Variants in SLAMF9 observed in about 807,000 individuals in gnomAD.
The protein encoded by SLAMF9 is SLAM family member 9, also known as CD2 family member 10.
SLAMF9 carries 25 observed loss-of-function variants against 30.4 expected under a neutral mutation model. The observed-to-expected ratio is 0.82, with a 90% confidence interval of 0.60 to 1.15. The LOEUF (loss-of-function observed/expected upper bound fraction) is 1.15. SLAMF9 is among the 50% of genes most tolerant of loss of function. The pLI, the probability that SLAMF9 is intolerant of heterozygous loss-of-function variation, is 0.00. For missense variants in SLAMF9, 344 were observed against 346.1 expected, an observed-to-expected ratio of 0.99 and a Z score of 0.05; for synonymous variants, 129 against 127.2, an observed-to-expected ratio of 1.01 and a Z score of -0.09.
chr1:159,981,323 C>T, the SLAMF9 span, among the ~76,000 whole-genome samples: 2 of 152,140 alleles, frequency 1.3e-5, no homozygotes, highest in African/African-American at 4.8e-5. Flanking sequence ...TGACCTTTGA[C>T]TTTAGACTTC....
the SLAMF9 span, among the ~76,000 whole-genome samples, chr1:159,974,239 C>T: frequency 1.3e-5 from 2 of 152,162 alleles, no homozygotes; most frequent in Non-Finnish European, 2.9e-5. Flanking sequence ...ACCTGGACTT[C>T]CTTTTACTCC....
chr1:159,975,453 C>G, the SLAMF9 span, among the ~76,000 whole-genome samples: 1 of 152,042 alleles, frequency 6.6e-6, no homozygotes, highest in Admixed American at 6.6e-5. Flanking sequence ...AGTCTGGGAA[C>G]TGGTGGAGTG....
intron 1 of SLAMF9, 37 bp from the exon 2 acceptor site, chr1:159,953,690 G>C (rs1328574383): frequency 1.3e-6 from 2 of 1,549,780 alleles, no homozygotes; most frequent in African/African-American, 2.7e-5. Context: ...CAACCCAGCT[G>C]CTGTCTCTGG....
the SLAMF9 span, among the ~76,000 whole-genome samples, chr1:159,975,039 T>C: frequency 6.6e-6 from 1 of 152,110 alleles, no homozygotes; most frequent in Non-Finnish European, 1.5e-5. Context: ...TGGTCTGAAC[T>C]CCTTCCCCAA....
At chr1:159,975,319 G>T in the SLAMF9 span, among the ~76,000 whole-genome samples, 2 of 152,168 alleles carry the variant, frequency 1.3e-5, no homozygotes. Flanking sequence ...TCTACCTGGG[G>T]AGGAGACCCA....
At chr1:159,969,291 G>A in the SLAMF9 span, among the ~76,000 whole-genome samples, 2 of 151,952 alleles carry the variant, frequency 1.3e-5, no homozygotes, top group African/African-American at 4.8e-5. Context: ...AAGGGGTATA[G>A]TCCCTAACTC....
the SLAMF9 span, among the ~76,000 whole-genome samples, chr1:159,974,789 G>A: frequency 7.9e-5 from 12 of 152,360 alleles, no homozygotes; most frequent in African/African-American, 2.9e-4. Context: ...AGCCATGGCT[G>A]GGAGTCAAGC....
At chr1:159,971,187 T>C in the SLAMF9 span, among the ~76,000 whole-genome samples, 1 of 152,162 alleles carries the variant, frequency 6.6e-6, no homozygotes, top group African/African-American at 2.4e-5. Flanking sequence ...TCCCTCATCA[T>C]AAATCACACT....
the SLAMF9 span, among the ~76,000 whole-genome samples, chr1:159,963,048 C>T: frequency 2.0e-5 from 3 of 152,130 alleles, no homozygotes; most frequent in African/African-American, 4.8e-5. Context: ...TGGGCAGTGT[C>T]GAAGAGCATG....
chr1:159,980,182 C>G, the SLAMF9 span, among the ~76,000 whole-genome samples: 2 of 152,172 alleles, frequency 1.3e-5, no homozygotes, highest in Admixed American at 6.5e-5. Flanking sequence ...ATTCTGAACA[C>G]ACTCCCAAGA....
At chr1:159,973,386 C>A in the SLAMF9 span, 2 of 516,468 alleles carry the variant, frequency 3.9e-6, no homozygotes, top group Non-Finnish European at 6.9e-6. Flanking sequence ...GCCCGGGAAC[C>A]CCAACGGGAG....
the SLAMF9 span, chr1:159,972,971 G>A: frequency 4.1e-6 from 5 of 1,216,178 alleles, no homozygotes; most frequent in Non-Finnish European, 5.5e-6. Flanking sequence ...ACCCCTGGGG[G>A]CGTCGCCACT....
chr1:159,964,617 G>A, the SLAMF9 span, among the ~76,000 whole-genome samples: 2 of 152,120 alleles, frequency 1.3e-5, no homozygotes, highest in Non-Finnish European at 2.9e-5. Context: ...CAAACAAACA[G>A]CAAACAAAAA....
chr1:159,981,031 T>C, the SLAMF9 span, among the ~76,000 whole-genome samples: 1 of 152,228 alleles, frequency 6.6e-6, no homozygotes, highest in Non-Finnish European at 1.5e-5. Flanking sequence ...GCATATCTCT[T>C]ACCTTCTGTG....
the SLAMF9 span, chr1:159,976,969 A>AG: frequency 2.4e-5 from 1 of 41,264 alleles, no homozygotes; most frequent in African/African-American, 5.1e-5. Context: ...AGAGAAAGAA[A>AG]GAAGGAAAGA....
At chr1:159,983,539 A>C in the SLAMF9 span, 1 of 152,022 alleles carries the variant, frequency 6.6e-6, no homozygotes, top group African/African-American at 2.4e-5. Context: ...TTTTTGCTTG[A>C]GTTAATTTAA....
chr1:159,968,264 G>T, the SLAMF9 span, among the ~76,000 whole-genome samples: 2 of 152,046 alleles, frequency 1.3e-5, no homozygotes, highest in East Asian at 3.8e-4. Flanking sequence ...CTGTGTTGAG[G>T]TACATTCTCT....
rs1651771562 is a variant in SLAMF9 at position 159,952,260 on chromosome 1, A to G, written c.664+2T>C. The G allele has an allele frequency of 6.2e-7, 1 of 1,613,260 alleles. No homozygotes were observed. Among genetic ancestry groups the G allele is most frequent in the Non-Finnish European group, 8.5e-7 (1 of 1,179,820 alleles). The stretch of plus-strand genomic sequence containing the variant: ...CAGGGGGTGTCTCAGGGGTTCTGGT[A>G]CCTGCATAGAAGGGCCCATCAGGGA... On this transcript the variant is annotated splice_donor_variant, in intron 3 of 3. Transcript: ENST00000368093. LOFTEE classifies it high-confidence loss of function.
Position 159,951,663 on chromosome 1 carries a change from A to T in SLAMF9, c.868T>A (p.Ter290ArgextTer53), listed in dbSNP as rs377218732. ...KEAKPGSSPA[*>R] is the part of the protein sequence containing the mutation. ...GGACTGGGGTTCCCAAGGAGCAGTC[A>T]GGCAGGGCTGGAGCCAGGCTTTGCC... The change falls in exon 4 of 4, where the codon TGA becomes AGA. Residue 290 changes from the stop codon to arginine (R), a stop_lost. Coordinates refer to ENST00000368093, the MANE Select transcript of SLAMF9 (RefSeq NM_033438.4). 6.2e-7 allele frequency: 1 copy of T among 1,613,886 alleles called. No individual in the cohort carries two copies. Among genetic ancestry groups the T allele is most frequent in the Non-Finnish European group, 8.5e-7 (1 of 1,179,970 alleles).
Sources: gnomAD v4.1 joint callset for allele counts (sites outside exome capture counted in the v4.1 genomes callset) on GRCh38, gnomAD v4.1.1 for gene constraint, MANE v1.5 for transcripts, NCBI Gene and HGNC (gene_info 2026-07-23, HGNC 2026-07-21) for gene names.